Variants in ULK4 observed in about 807,000 individuals in gnomAD.
The protein encoded by ULK4 is inactive serine/threonine-protein kinase ULK4.
In ULK4, 133 loss-of-function variants were observed where a neutral mutation model predicts 160.6. That is an observed-to-expected ratio of 0.83 (90% CI 0.72 to 0.96). ULK4 has a LOEUF of 0.96. Ranked by LOEUF, ULK4 falls within the 40% of genes least tolerant of loss-of-function variation. The pLI is 0.00. For missense variants in ULK4, 1,580 were observed against 1,499.5 expected (o/e 1.05, Z -0.89); for synonymous variants, 534 against 539.8 (o/e 0.99, Z 0.15).
chr3:41,321,777 C>T (rs1227077637), intron 35 of ULK4, among the ~76,000 whole-genome samples: 2 of 144,366 alleles, frequency 1.4e-5, no homozygotes, highest in African/African-American at 2.7e-5. Context: ...GGAAAAACGC[C>T]TCAAGTGAGC....
intron 32 of ULK4, among the ~76,000 whole-genome samples, chr3:41,473,697 A>G (rs2084057943): frequency 6.6e-6 from 1 of 151,348 alleles, no homozygotes; most frequent in Admixed American, 6.6e-5. Flanking sequence ...AGAACTAATA[A>G]ATACAGTTAA....
chr3:41,410,643 T>C (rs897669554), intron 34 of ULK4, among the ~76,000 whole-genome samples: 11 of 151,938 alleles, frequency 7.2e-5, no homozygotes, highest in Non-Finnish European at 1.2e-4. Flanking sequence ...GAGGTTAATT[T>C]TATGGTATGT....
At chr3:41,499,304 G>A (rs995846190) in intron 32 of ULK4, among the ~76,000 whole-genome samples, 1 of 152,198 alleles carries the variant, frequency 6.6e-6, no homozygotes, top group African/African-American at 2.4e-5. Context: ...CTTTAGCTCT[G>A]TTGAAATGAA....
chr3:41,644,525 G>C (rs2034387690), intron 30 of ULK4, among the ~76,000 whole-genome samples: 2 of 152,140 alleles, frequency 1.3e-5, no homozygotes, highest in Non-Finnish European at 2.9e-5. Flanking sequence ...AACCAGCCTT[G>C]CATCCCAGGG....
intron 31 of ULK4, among the ~76,000 whole-genome samples, chr3:41,595,544 G>A (rs778168039): frequency 2.0e-5 from 3 of 152,198 alleles, no homozygotes; most frequent in Non-Finnish European, 4.4e-5. Flanking sequence ...CAGAGCTTTG[G>A]GGTCCTCTGA....
At chr3:41,452,197 A>G (rs1320157128) in intron 34 of ULK4, among the ~76,000 whole-genome samples, 3 of 152,136 alleles carry the variant, frequency 2.0e-5, no homozygotes, top group Admixed American at 1.3e-4. Context: ...CTTCATCTAC[A>G]TCAGAACCTC....
chr3:41,644,361 T>C (rs1416914531), intron 30 of ULK4, among the ~76,000 whole-genome samples: 7 of 150,632 alleles, frequency 4.6e-5, no homozygotes, highest in Admixed American at 3.3e-4. Flanking sequence ...TTTTGAGATA[T>C]GTCCCATCAA....
chr3:41,663,802 A>G (rs1364106004), intron 29 of ULK4, 103 bp from the exon 30 acceptor site: 2 of 954,302 alleles, frequency 2.1e-6, no homozygotes, highest in Non-Finnish European at 3.3e-6. Context: ...AGACAGAAAG[A>G]TATTTTACAC....
At chr3:41,289,303 G>T (rs1188708607) in intron 35 of ULK4, among the ~76,000 whole-genome samples, 2 of 152,138 alleles carry the variant, frequency 1.3e-5, no homozygotes, top group African/African-American at 2.4e-5. Flanking sequence ...ACTGGCTCAG[G>T]TGTTGGCAGG....
chr3:41,700,866 C>T (rs9814183), intron 27 of ULK4, among the ~76,000 whole-genome samples: 28,715 of 151,902 alleles, frequency 0.19, 7,377 homozygotes, highest in African/African-American at 0.59. Flanking sequence ...AACAGGAAAT[C>T]ATAAAAAGCA....
chr3:41,672,705 A>G (rs1290690912), intron 29 of ULK4, among the ~76,000 whole-genome samples: 1 of 152,236 alleles, frequency 6.6e-6, no homozygotes, highest in African/African-American at 2.4e-5. Flanking sequence ...AGAACTTGAA[A>G]TATACTGACA....
At chr3:41,419,388 C>T (rs1258422011) in intron 34 of ULK4, among the ~76,000 whole-genome samples, 1 of 152,118 alleles carries the variant, frequency 6.6e-6, no homozygotes, top group Non-Finnish European at 1.5e-5. Context: ...GCTCACATCA[C>T]CACTGACTCA....
At chr3:41,318,913 A>C (rs543790464) in intron 35 of ULK4, among the ~76,000 whole-genome samples, 4 of 152,194 alleles carry the variant, frequency 2.6e-5, no homozygotes, top group Non-Finnish European at 5.9e-5. Context: ...ACTCAAACCT[A>C]CTTCCAGTGT....
chr3:41,332,176 C>G (rs1490595813), intron 35 of ULK4, among the ~76,000 whole-genome samples: 3 of 150,948 alleles, frequency 2.0e-5, no homozygotes, highest in African/African-American at 7.3e-5. Flanking sequence ...GGGTTGATTG[C>G]TCTAATAAGC....
rs1193021972 is a variant in ULK4 at position 41,936,100 on chromosome 3, C to T, written c.239-160G>A. Among the ~76,000 whole-genome samples the T allele has an allele frequency of 2.6e-5, 4 of 152,090 alleles. No individual in the cohort carries two copies. In the East Asian group the frequency reaches 7.7e-4, roughly 29 times the overall value. The stretch of plus-strand genomic sequence containing the variant: ...ACACATGTGAGTAAATACAGTGGCC[C>T]GAGCACTGCAACAGAAGTCTATGCC... On this transcript the variant is annotated intron_variant, in intron 3 of 36. Coordinates refer to ENST00000301831, the MANE Select transcript of ULK4 (RefSeq NM_017886.4).
At chr3:41,396,158 C>T (rs913314752) in intron 35 of ULK4, among the ~76,000 whole-genome samples, 2 of 152,000 alleles carry the variant, frequency 1.3e-5, no homozygotes, top group Non-Finnish European at 2.9e-5. Flanking sequence ...TAGCAAAATC[C>T]TGAACTCACA....
intron 32 of ULK4, among the ~76,000 whole-genome samples, chr3:41,553,511 A>G (rs2087159829): frequency 6.6e-6 from 1 of 152,164 alleles, no homozygotes; most frequent in African/African-American, 2.4e-5. Context: ...ACTAATGATT[A>G]GGAAAATGCA....
intron 32 of ULK4, among the ~76,000 whole-genome samples, chr3:41,473,123 T>C (rs571510004): frequency 6.6e-6 from 1 of 152,212 alleles, no homozygotes; most frequent in South Asian, 2.1e-4. Flanking sequence ...ATGATAAGCA[T>C]AGGTAACATT....
intron 35 of ULK4, among the ~76,000 whole-genome samples, chr3:41,257,699 A>T (rs1000279469): frequency 2.6e-5 from 4 of 152,034 alleles, no homozygotes; most frequent in African/African-American, 7.2e-5. Flanking sequence ...TTGGATATTT[A>T]CCCAAGTGAA....
Sources: gnomAD v4.1 joint callset for allele counts (sites outside exome capture counted in the v4.1 genomes callset) on GRCh38, gnomAD v4.1.1 for gene constraint, MANE v1.5 for transcripts, NCBI Gene and HGNC (gene_info 2026-07-23, HGNC 2026-07-21) for gene names.